The following OTUD7A variants were observed in gnomAD, a reference collection of about 807,000 sequenced individuals.
OTUD7A encodes the protein OTU deubiquitinase 7A, also known as OTU domain-containing protein 7A.
A neutral mutation model predicts 65.7 loss-of-function variants in OTUD7A; 12 were observed. The observed-to-expected ratio is 0.18, with a 90% CI of 0.12 to 0.30. OTUD7A has a LOEUF of 0.30. Among genes scored for constraint, OTUD7A ranks in the 10% least tolerant of loss-of-function variants. OTUD7A has a pLI of 1.00. For synonymous variants in OTUD7A, 641 were observed against 586.3 expected (o/e 1.09, Z -1.35); for missense variants, 1,148 against 1,304.8 (o/e 0.88, Z 1.85).
In OTUD7A at chr15:31,869,801, G is replaced by A. The variant is rs1166135914; in HGVS notation, c.-100+706C>T. Among the ~76,000 whole-genome samples the A allele has an allele frequency of 2.6e-5, 4 of 152,196 alleles. No individual in the cohort carries two copies. The East Asian group carries it at 7.7e-4, about 29-fold the overall frequency. The stretch of plus-strand genomic sequence containing the variant: ...GTACACTTGAGCGGTTGTGTCCAAT[G>A]AAGGAAAGTTTTAGTTAATGATGAC... On this transcript the variant is annotated intron_variant, in intron 1 of 12. Transcript: ENST00000307050.
chr15:31,867,776 T>C (rs1480911466), intron 1 of OTUD7A, among the ~76,000 whole-genome samples: 1 of 152,220 alleles, frequency 6.6e-6, no homozygotes, highest in Non-Finnish European at 1.5e-5. Context: ...TCCAAAGACA[T>C]GGAGCCACTG....
rs2041036822 is a variant in OTUD7A, at chr15:31,477,201, AG to A, written c.*6092del. 6.6e-6 allele frequency: 1 copy of A among 152,396 alleles called. No individual in the cohort carries two copies. The highest frequency in any genetic ancestry group is 2.4e-5 in the African/African-American group (1 of 41,546). 9.4% of individuals were successfully genotyped at this position (152,396 alleles called of 1,614,324 possible). On this transcript the variant is annotated 3_prime_UTR_variant, in exon 13 of 13. Coordinates refer to ENST00000307050, the MANE Select transcript of OTUD7A (RefSeq NM_001382637.1). ...TCTGCAGCCTTGCTTTGGTGGCTGGAGGATGAGTCCTTCTAATGGTCAGGTG... is the reference window on the plus strand; with the variant it reads ...TCTGCAGCCTTGCTTTGGTGGCTGGAGATGAGTCCTTCTAATGGTCAGGTG...
chr15:31,759,175 C>T (rs1233278097), intron 1 of OTUD7A, among the ~76,000 whole-genome samples: 1 of 152,168 alleles, frequency 6.6e-6, no homozygotes, highest in East Asian at 1.9e-4. Flanking sequence ...TCCAGCACTC[C>T]ACGCTCTCTT....
Position 31,483,458 on chromosome 15 carries a change from G to A in OTUD7A, c.2638C>T (p.Arg880Cys), listed in dbSNP as rs769954144. The A allele has an allele frequency of 1.5e-6, 2 of 1,378,946 alleles. No homozygotes were observed. Among genetic ancestry groups the A allele is most frequent in the Non-Finnish European group, 1.9e-6 (2 of 1,066,360 alleles). 85.4% of individuals were successfully genotyped at this position (1,378,946 alleles called of 1,614,324 possible). Residue 880 changes from arginine to cysteine, a missense_variant, in exon 13 of 13, where the codon CGC (arginine) becomes TGC (cysteine). Arg to Cys is a radical substitution (Grantham distance 180). Transcript: ENST00000307050. ...CCACGGCCGCACTCACCGTTCGAGC[G>A]CGCGGTCGGCGCGTCGGCGTCGGCG... ...EFADADAPTA[R>C]SNGECGRGGP...
At chr15:31,671,945 G>A (rs2141296700) in intron 1 of OTUD7A, among the ~76,000 whole-genome samples, 1 of 152,130 alleles carries the variant, frequency 6.6e-6, no homozygotes, top group African/African-American at 2.4e-5. Flanking sequence ...GTAGGTCCCG[G>A]AGTCTGTTGT....
chr15:31,633,693 C>T (rs1187588290), intron 3 of OTUD7A, among the ~76,000 whole-genome samples: 1 of 152,192 alleles, frequency 6.6e-6, no homozygotes, highest in African/African-American at 2.4e-5. Flanking sequence ...TCACTCACAG[C>T]ATGGCCTCCT....
At chr15:31,572,533 A>C (rs995597432) in intron 3 of OTUD7A, among the ~76,000 whole-genome samples, 1 of 152,202 alleles carries the variant, frequency 6.6e-6, no homozygotes, top group Non-Finnish European at 1.5e-5. Flanking sequence ...TAAACTCCTA[A>C]ATCATTTGAT....
intron 10 of OTUD7A, among the ~76,000 whole-genome samples, chr15:31,492,266 A>G (rs1360742525): frequency 1.3e-5 from 2 of 152,216 alleles, no homozygotes; most frequent in Admixed American, 6.5e-5. Context: ...GAAGTCAAGT[A>G]ATATTACTTA....
intron 3 of OTUD7A, among the ~76,000 whole-genome samples, chr15:31,607,779 G>A (rs1262056887): frequency 6.6e-6 from 1 of 152,162 alleles, no homozygotes; most frequent in Non-Finnish European, 1.5e-5. Flanking sequence ...GGAACAGTAG[G>A]CTATACCATA....
At chr15:31,526,492 G>A in intron 7 of OTUD7A, 31 bp from the exon 8 acceptor site, 1 of 1,512,112 alleles carries the variant, frequency 6.6e-7, no homozygotes, top group Non-Finnish European at 8.9e-7. Flanking sequence ...CAGAAGGGGG[G>A]TGGGCCACAG....
intron 3 of OTUD7A, among the ~76,000 whole-genome samples, chr15:31,570,419 C>T (rs1889012660): frequency 6.7e-6 from 1 of 150,202 alleles, no homozygotes; most frequent in African/African-American, 2.5e-5. Flanking sequence ...TGACTATATA[C>T]AGTCTCAGAG....
intron 10 of OTUD7A, among the ~76,000 whole-genome samples, chr15:31,489,784 T>C (rs1268631159): frequency 6.6e-6 from 1 of 152,194 alleles, no homozygotes; most frequent in African/African-American, 2.4e-5. Flanking sequence ...CACTTCCCTA[T>C]CATGGGGTTC....
Position 31,758,622 on chromosome 15 carries a change from A to G in OTUD7A, c.-99-101545T>C, listed in dbSNP as rs942391186. Among the ~76,000 whole-genome samples the G allele has an allele frequency of 3.3e-5, 5 of 152,208 alleles. No homozygotes were observed. The East Asian group carries it at 7.7e-4, about 23-fold the overall frequency. ...CTTGCATTGGAACATCACAAAACTA[A>G]TATGTTCTAAAAATATATAGCAATC... On this transcript the variant is annotated intron_variant, in intron 1 of 12. Transcript: ENST00000307050.
At chr15:31,786,024 T>C (rs1401677149) in intron 1 of OTUD7A, among the ~76,000 whole-genome samples, 1 of 151,992 alleles carries the variant, frequency 6.6e-6, no homozygotes, top group Admixed American at 6.6e-5. Context: ...TAATGGGTTA[T>C]CATGGGAGGG....
intron 3 of OTUD7A, among the ~76,000 whole-genome samples, chr15:31,639,059 G>A (rs1198616402): frequency 1.8e-4 from 27 of 152,100 alleles, no homozygotes; most frequent in African/African-American, 4.1e-4. Context: ...GCGTGAACCC[G>A]GGAGGCAGAG....
intron 1 of OTUD7A, among the ~76,000 whole-genome samples, chr15:31,686,369 CA>C (rs1462285000): frequency 5.9e-5 from 9 of 152,208 alleles, no homozygotes. Context: ...TCCAAGTGGA[CA>C]GACATTCTGC....
intron 5 of OTUD7A, among the ~76,000 whole-genome samples, chr15:31,540,079 T>C (rs1220517217): frequency 6.6e-6 from 1 of 152,224 alleles, no homozygotes; most frequent in Non-Finnish European, 1.5e-5. Flanking sequence ...ACTAAATTTT[T>C]CCGCTGTTTC....
At position 31,764,905 on chromosome 15, in the gene OTUD7A, A is replaced by C. The variant is rs190452913; in HGVS notation, c.-100+105602T>G. Among the ~76,000 whole-genome samples the C allele has an allele frequency of 3.9e-3, 588 of 152,272 alleles. 6 individuals are homozygous for C. The highest frequency in any genetic ancestry group is 6.9e-3 in the Non-Finnish European group (472 of 67,994). ...GAATGATTCTATATGCCCTGATTTC[A>C]GTGGGTAATGTTGTTATTTTAAGCA... On this transcript the variant is annotated intron_variant, in intron 1 of 12. Coordinates refer to ENST00000307050, the MANE Select transcript of OTUD7A (RefSeq NM_001382637.1).
At chr15:31,519,118 C>CTGTGTG (rs56265620) in intron 8 of OTUD7A, among the ~76,000 whole-genome samples, 249 of 151,146 alleles carry the variant, frequency 1.6e-3, no homozygotes, top group African/African-American at 5.4e-3. Context: ...TAGCACTGTG[C>CTGTGTG]TGTGTGTGTG....
Sources: allele counts gnomAD v4.1 joint callset (sites outside exome capture counted in the v4.1 genomes callset), GRCh38; gene constraint gnomAD v4.1.1; transcripts MANE v1.5; gene names NCBI Gene and HGNC (gene_info 2026-07-23, HGNC 2026-07-21).